SIM1: variants seen among roughly 807,000 people sequenced by gnomAD.
SIM1 encodes the protein single-minded homolog 1.
Under a neutral mutation model 78.2 loss-of-function variants are expected in SIM1, and 18 were observed. The observed-to-expected ratio is 0.23, with a 90% confidence interval of 0.16 to 0.34. SIM1 has a LOEUF of 0.34. Among genes scored for constraint, SIM1 ranks in the 10% least tolerant of loss-of-function variants. The pLI is 1.00. For synonymous variants in SIM1, 417 were observed against 385.2 expected, an observed-to-expected ratio of 1.08 and a Z score of -0.97; for missense variants, 939 against 975.1, an observed-to-expected ratio of 0.96 and a Z score of 0.49.
intron 9 of SIM1, among the ~76,000 whole-genome samples, chr6:100,440,406 A>T (rs1772178288): frequency 6.6e-6 from 1 of 152,200 alleles, no homozygotes; most frequent in Non-Finnish European, 1.5e-5. Context: ...AAACAAAATC[A>T]CAATCCTACT....
intron 11 of SIM1, among the ~76,000 whole-genome samples, chr6:100,391,887 A>G (rs1344142251): frequency 6.6e-6 from 1 of 152,166 alleles, no homozygotes; most frequent in East Asian, 1.9e-4. Flanking sequence ...AAGGTAAAGA[A>G]TAAGGCCGGG....
At chr6:100,429,057 T>G (rs1269565322) in intron 9 of SIM1, among the ~76,000 whole-genome samples, 1 of 151,960 alleles carries the variant, frequency 6.6e-6, no homozygotes, top group Non-Finnish European at 1.5e-5. Flanking sequence ...TAAAAATAAT[T>G]AGAAATAAGT....
Position 100,447,586 on chromosome 6 carries a change from G to T in SIM1, c.851-171C>A, listed in dbSNP as rs17060614. ...TTCCCAAAGGAACTGATTGTCCCGT[G>T]GTATTGCATCGAGCCCTCCGGTCAC... On this transcript the variant is annotated intron_variant, in intron 8 of 11. Transcript: ENST00000369208. Among the ~76,000 whole-genome samples, 44,952 of 152,152 alleles carry T rather than the reference G, an allele frequency of 0.3. 6,916 individuals are homozygous for T. The highest frequency in any genetic ancestry group is 0.44 in the East Asian group (2,271 of 5,154).
chr6:100,463,536 T>G lies in SIM1; in HGVS notation c.-68A>C. On this transcript the variant is annotated 5_prime_UTR_variant, in exon 2 of 12. Transcript: ENST00000369208. ...GATTCATCCAAAACCAAAAATAAAC[T>G]TTCAATTAGAGATCATATTTGGCAA... The G allele has an allele frequency of 7.0e-7, 1 of 1,432,780 alleles. No homozygotes were observed. 88.8% of individuals were successfully genotyped at this position (1,432,780 alleles called of 1,614,324 possible). A position where few individuals can be genotyped will look rare whatever the true frequency, so the allele number is the denominator to read the frequency against.
chr6:100,451,209 C>A (rs1209826588), intron 3 of SIM1, among the ~76,000 whole-genome samples: 1 of 152,134 alleles, frequency 6.6e-6, no homozygotes, highest in Non-Finnish European at 1.5e-5. Flanking sequence ...GCCTGAGTGA[C>A]CGGAGGCCTG....
At chr6:100,443,628 G>A (rs890686953) in intron 9 of SIM1, among the ~76,000 whole-genome samples, 2 of 151,878 alleles carry the variant, frequency 1.3e-5, no homozygotes, top group African/African-American at 2.4e-5. Context: ...TGTTTTTAAC[G>A]GCACCAGTAA....
chr6:100,420,968 G>C lies in SIM1; in HGVS notation c.999-10C>G. 1 of 1,611,328 alleles carries C rather than the reference G, an allele frequency of 6.2e-7. No homozygotes were observed. ...TTTGTATTCTGTGTCTCTGCAGGGT[G>C]GGAGGACAAAGCCCTTAATCAGCCA... is the stretch of plus-strand genomic sequence containing the variant. On this transcript the variant is annotated splice_polypyrimidine_tract_variant and intron_variant, in intron 9 of 11. Coordinates refer to ENST00000369208, the MANE Select transcript of SIM1 (RefSeq NM_005068.3).
chr6:100,394,410 C>T (rs1003002313), intron 10 of SIM1, among the ~76,000 whole-genome samples: 4 of 152,128 alleles, frequency 2.6e-5, no homozygotes, highest in African/African-American at 9.7e-5. Flanking sequence ...TTGCTTTCCA[C>T]GTATTTTTTG....
At chr6:100,431,846 T>G (rs1771909824) in intron 9 of SIM1, among the ~76,000 whole-genome samples, 1 of 152,180 alleles carries the variant, frequency 6.6e-6, no homozygotes, top group South Asian at 2.1e-4. Flanking sequence ...TCTATTTGTC[T>G]TAAGCCGATG....
chr6:100,446,039 GAT>G (rs1491180572), intron 9 of SIM1, among the ~76,000 whole-genome samples: 3 of 148,656 alleles, frequency 2.0e-5, no homozygotes, highest in African/African-American at 7.8e-5. Context: ...CGTTTACTAA[GAT>G]AAAAAAATTA....
At chr6:100,442,247 T>A (rs748510879) in intron 9 of SIM1, among the ~76,000 whole-genome samples, 3 of 152,092 alleles carry the variant, frequency 2.0e-5, no homozygotes, top group African/African-American at 2.4e-5. Context: ...AATACAATAA[T>A]AAGGAAAAAG....
At chr6:100,430,814 T>C (rs547417451) in intron 9 of SIM1, among the ~76,000 whole-genome samples, 4 of 152,302 alleles carry the variant, frequency 2.6e-5, no homozygotes, top group East Asian at 1.9e-4. Context: ...TTAGCAAAAC[T>C]GATTCCTAAA....
chr6:100,444,678 G>T (rs1280722129), intron 9 of SIM1, among the ~76,000 whole-genome samples: 1 of 152,122 alleles, frequency 6.6e-6, no homozygotes, highest in Non-Finnish European at 1.5e-5. Flanking sequence ...TATATGCCCT[G>T]TTGCAACTGC....
chr6:100,433,238 C>G (rs191303291), intron 9 of SIM1, among the ~76,000 whole-genome samples: 6 of 152,336 alleles, frequency 3.9e-5, no homozygotes, highest in African/African-American at 4.8e-5. Context: ...CCAAAACCTT[C>G]AAGATCCAAG....
At chr6:100,462,014 A>T (rs556235202) in intron 2 of SIM1, among the ~76,000 whole-genome samples, 2 of 152,048 alleles carry the variant, frequency 1.3e-5, no homozygotes, top group Non-Finnish European at 2.9e-5. Context: ...GTTTTCCTTT[A>T]GCTTGGAGCA....
rs567895845 is a variant in SIM1, at chr6:100,453,666, T to C, written c.258+96A>G. On this transcript the variant is annotated intron_variant, in intron 3 of 11. Transcript: ENST00000369208. Reference sequence around the variant, plus strand: ...TTGTGGGGGGGGTTGTTTGTTTTTTTTTTGTTTTTGTTTTCTGAGAAACTA... The same window carrying C: ...TTGTGGGGGGGGTTGTTTGTTTTTTCTTTGTTTTTGTTTTCTGAGAAACTA... 14 of 940,082 alleles carry C rather than the reference T, an allele frequency of 1.5e-5. No individual in the cohort carries two copies. The Admixed American group carries it at 1.8e-4, about 12-fold the overall frequency. 58.2% of individuals were successfully genotyped at this position (940,082 alleles called of 1,614,324 possible). A position where few individuals can be genotyped will look rare whatever the true frequency, so the allele number is the denominator to read the frequency against.
chr6:100,434,341 A>T (rs1037891754), intron 9 of SIM1, among the ~76,000 whole-genome samples: 1 of 152,254 alleles, frequency 6.6e-6, no homozygotes, highest in African/African-American at 2.4e-5. Flanking sequence ...AACAGTGAAT[A>T]TAAATGCTGT....
At chr6:100,462,195 A>T (rs1441188360) in intron 2 of SIM1, among the ~76,000 whole-genome samples, 2 of 152,256 alleles carry the variant, frequency 1.3e-5, no homozygotes, top group Admixed American at 1.3e-4. Flanking sequence ...AAAATCAACA[A>T]CAACAAAAAC....
At chr6:100,394,009 G>C in intron 10 of SIM1, 120 bp from the exon 11 acceptor site, 1 of 1,022,366 alleles carries the variant, frequency 9.8e-7, no homozygotes. Context: ...TCATTGTCCT[G>C]AGGTCGTCAA....
Sources: gnomAD v4.1 joint callset for allele counts (sites outside exome capture counted in the v4.1 genomes callset) on GRCh38, gnomAD v4.1.1 for gene constraint, MANE v1.5 for transcripts, NCBI Gene and HGNC (gene_info 2026-07-23, HGNC 2026-07-21) for gene names.